TLK2: variants seen among roughly 807,000 people sequenced by gnomAD.
TLK2 encodes serine/threonine-protein kinase tousled-like 2.
Under a neutral mutation model 117.3 loss-of-function variants are expected in TLK2, and 6 were observed. That is an observed-to-expected ratio of 0.05 (90% CI 0.03 to 0.10). TLK2 has a LOEUF of 0.10. Among genes scored for constraint, TLK2 ranks in the 10% least tolerant of loss-of-function variants. The pLI, the probability that TLK2 is intolerant of heterozygous loss-of-function variation, is 1.00. For synonymous variants in TLK2, 257 were observed against 316.7 expected, an observed-to-expected ratio of 0.81 and a Z score of 2.00; for missense variants, 299 against 901.2, an observed-to-expected ratio of 0.33 and a Z score of 8.56.
chr17:62,565,761 A>G (rs1206437934), intron 11 of TLK2, among the ~76,000 whole-genome samples: 2 of 152,160 alleles, frequency 1.3e-5, no homozygotes, highest in East Asian at 1.9e-4. Context: ...TTCTAATTAT[A>G]TAATGAATTT....
chr17:62,605,361 C>T (rs12941449), intron 19 of TLK2, among the ~76,000 whole-genome samples: 1 of 152,110 alleles, frequency 6.6e-6, no homozygotes, highest in Non-Finnish European at 1.5e-5. Context: ...AGGGACATTA[C>T]TGCCTCCCTA....
At chr17:62,573,094 T>C (rs2080443179) in intron 11 of TLK2, 121 bp from the exon 12 acceptor site, 2 of 1,113,348 alleles carry the variant, frequency 1.8e-6, no homozygotes, top group African/African-American at 1.6e-5. Context: ...AAATCTCTAC[T>C]TGACTTAAAG....
chr17:62,566,549 A>G (rs2079811244), intron 11 of TLK2, among the ~76,000 whole-genome samples: 1 of 152,170 alleles, frequency 6.6e-6, no homozygotes, highest in Non-Finnish European at 1.5e-5. Flanking sequence ...GAAAGCACAG[A>G]CTTTTCTTAG....
intron 2 of TLK2, among the ~76,000 whole-genome samples, chr17:62,490,393 C>G (rs1444741926): frequency 6.6e-6 from 1 of 152,190 alleles, no homozygotes; most frequent in Non-Finnish European, 1.5e-5. Flanking sequence ...AGCTGAGTCA[C>G]TCTTATCCTG....
intron 7 of TLK2, among the ~76,000 whole-genome samples, chr17:62,545,421 C>G (rs1414294783): frequency 1.3e-5 from 2 of 152,098 alleles, no homozygotes; most frequent in Non-Finnish European, 2.9e-5. Flanking sequence ...CTTTCTTGTT[C>G]ATGATTTTTA....
Position 62,612,495 on chromosome 17 carries a change from C to G in TLK2, c.2183C>G (p.Ser728Cys), listed in dbSNP as rs1255379666. The G allele has an allele frequency of 6.2e-7, 1 of 1,614,204 alleles. No homozygotes were observed. Reference protein sequence around the residue: ...YLLPHIRKSVSTSSPAGAAIA... With the variant: ...YLLPHIRKSVCTSSPAGAAIA... ...TTGCCTCACATCCGAAAGTCAGTCTCTACAAGTAGCCCTGCTGGAGCTGCT... is the reference window on the plus strand; with the variant it reads ...TTGCCTCACATCCGAAAGTCAGTCTGTACAAGTAGCCCTGCTGGAGCTGCT... The change falls in exon 22 of 22, where the codon TCT becomes TGT. Residue 728 changes from serine to cysteine, a missense_variant. Ser to Cys is a moderately radical substitution (Grantham distance 112, BLOSUM62 -1). This residue lies in a region of TLK2 where 19 missense variants were observed against 29.2 expected (regional missense o/e 0.65). Transcript: ENST00000346027.
intron 9 of TLK2, among the ~76,000 whole-genome samples, chr17:62,554,991 C>A (rs2078744414): frequency 6.7e-6 from 1 of 149,840 alleles, no homozygotes; most frequent in East Asian, 1.9e-4. Context: ...TAATTTTGAG[C>A]TGTTTGAAGT....
chr17:62,595,021 G>A (rs1273936829), intron 16 of TLK2, among the ~76,000 whole-genome samples: 4 of 152,166 alleles, frequency 2.6e-5, no homozygotes, highest in African/African-American at 9.6e-5. Flanking sequence ...GAGTGCCATG[G>A]CGCAGTCTCG....
intron 6 of TLK2, among the ~76,000 whole-genome samples, chr17:62,526,373 C>T (rs2145640378): frequency 6.6e-6 from 1 of 152,268 alleles, no homozygotes; most frequent in Admixed American, 6.5e-5. Flanking sequence ...CTGCAAACCT[C>T]CAGCAATTCT....
intron 19 of TLK2, among the ~76,000 whole-genome samples, chr17:62,604,295 C>T (rs537288545): frequency 2.0e-5 from 3 of 152,206 alleles, no homozygotes; most frequent in Admixed American, 6.5e-5. Context: ...GCGTGAGCCA[C>T]CACGCCTGGC....
intron 5 of TLK2, 24 bp downstream of exon 5, chr17:62,523,201 C>T (rs754881923): frequency 6.3e-7 from 1 of 1,590,088 alleles, no homozygotes; most frequent in Non-Finnish European, 8.5e-7. Context: ...TTTGAAAAAA[C>T]AAACAAACAA....
chr17:62,605,968 C>A (rs1485379055), intron 19 of TLK2, 162 bp from the exon 20 acceptor site: 3 of 325,568 alleles, frequency 9.2e-6, no homozygotes, highest in Non-Finnish European at 1.6e-5. Flanking sequence ...GATCACGCCA[C>A]TGTACTCAGC....
At chr17:62,525,540 G>A (rs865892745) in intron 6 of TLK2, among the ~76,000 whole-genome samples, 18 of 150,524 alleles carry the variant, frequency 1.2e-4, no homozygotes, top group Middle Eastern at 6.3e-3. Context: ...CCTCTGCCTC[G>A]TAGGCTCAAG....
intron 20 of TLK2, among the ~76,000 whole-genome samples, chr17:62,607,119 G>A (rs965268089): frequency 1.3e-5 from 2 of 150,198 alleles, no homozygotes; most frequent in South Asian, 2.1e-4. Flanking sequence ...AATTGCTGCC[G>A]ATAACAGCAG....
At position 62,578,437 on chromosome 17, in the gene TLK2, T is replaced by C. The variant is rs749523780; in HGVS notation, c.1189-40T>C. ...GAAATAAGATCCCGAAAAGGTAAAG[T>C]TCCCCCTATTTTGTGCTATTTCTTT... On this transcript the variant is annotated intron_variant, in intron 13 of 21. Coordinates refer to ENST00000346027, the MANE Select transcript of TLK2 (RefSeq NM_006852.6). The C allele has an allele frequency of 3.3e-6, 5 of 1,530,446 alleles. No individual in the cohort carries two copies. In the South Asian group the frequency reaches 4.5e-5, roughly 14 times the overall value. 94.8% of individuals were successfully genotyped at this position (1,530,446 alleles called of 1,614,324 possible).
chr17:62,523,732 T>C (rs961940014), intron 5 of TLK2, among the ~76,000 whole-genome samples: 11 of 152,330 alleles, frequency 7.2e-5, no homozygotes, highest in African/African-American at 2.2e-4. Flanking sequence ...TTGTCTGTGA[T>C]GATATAAGAA....
chr17:62,532,924 A>G (rs551767778), intron 6 of TLK2, among the ~76,000 whole-genome samples: 1 of 152,264 alleles, frequency 6.6e-6, no homozygotes, highest in African/African-American at 2.4e-5. Context: ...GTTTGAGAGT[A>G]CCAATTTTTT....
chr17:62,532,373 G>A (rs2465439), intron 6 of TLK2, among the ~76,000 whole-genome samples: 54,813 of 151,988 alleles, frequency 0.36, 10,041 homozygotes, highest in Admixed American at 0.4. Context: ...GTTGCAGCTC[G>A]TTCTCCCATG....
At chr17:62,474,417 T>G (rs1455108021), upstream of TLK2, among the ~76,000 whole-genome samples, 1 of 146,914 alleles carries the variant, frequency 6.8e-6, no homozygotes, top group Non-Finnish European at 1.5e-5. Context: ...TTTATTTATT[T>G]ACTTTTATTT....
Sources: allele counts gnomAD v4.1 joint callset (sites outside exome capture counted in the v4.1 genomes callset), GRCh38; gene constraint gnomAD v4.1.1; regional missense constraint gnomAD v4.1.1; transcripts MANE v1.5; gene names NCBI Gene and HGNC (gene_info 2026-07-23, HGNC 2026-07-21).